The following CDIN1 variants were observed in gnomAD, a reference collection of about 807,000 sequenced individuals.
CDIN1 encodes CDAN1 interacting nuclease 1.
CDIN1 carries 33 observed loss-of-function variants against 45.3 expected under a neutral mutation model. That is an observed-to-expected ratio of 0.73 (90% CI 0.55 to 0.97). The LOEUF (loss-of-function observed/expected upper bound fraction) is 0.97, where lower values mean the gene tolerates loss of function less well. Among genes scored for constraint, CDIN1 ranks in the 50% least tolerant of loss-of-function variants. The pLI, the probability that CDIN1 is intolerant of heterozygous loss-of-function variation, is 0.00. For synonymous variants in CDIN1, 118 were observed against 124.4 expected, an observed-to-expected ratio of 0.95 and a Z score of 0.34; for missense variants, 303 against 339.4, an observed-to-expected ratio of 0.89 and a Z score of 0.84.
chr15:36,800,765 CAT>C (rs35496007), intron 10 of CDIN1, among the ~76,000 whole-genome samples: 15,040 of 150,850 alleles, frequency 0.1, 776 homozygotes, highest in Non-Finnish European at 0.12. Flanking sequence ...CCAACAGCCA[CAT>C]GTCTGCACAC....
intron 10 of CDIN1, among the ~76,000 whole-genome samples, chr15:36,805,264 A>C (rs1199738104): frequency 1.3e-5 from 2 of 152,146 alleles, no homozygotes; most frequent in Non-Finnish European, 2.9e-5. Flanking sequence ...CAACTTTAAA[A>C]AGTGTTTCCA....
At chr15:36,583,202 A>G (rs145878686) in intron 1 of CDIN1, among the ~76,000 whole-genome samples, 58 of 152,172 alleles carry the variant, frequency 3.8e-4, no homozygotes, top group African/African-American at 1.3e-3. Context: ...GTCCTAATAT[A>G]TGAAAGAAAA....
intron 4 of CDIN1, among the ~76,000 whole-genome samples, chr15:36,656,163 C>T (rs1231873373): frequency 1.3e-5 from 2 of 152,086 alleles, no homozygotes; most frequent in African/African-American, 2.4e-5. Flanking sequence ...AACCAAGGTG[C>T]CATTTTTTCC....
chr15:36,722,034 G>C (rs1448456746), intron 10 of CDIN1, among the ~76,000 whole-genome samples: 1 of 151,924 alleles, frequency 6.6e-6, no homozygotes, highest in Non-Finnish European at 1.5e-5. Flanking sequence ...TTGATGTCTA[G>C]TGTTTAAAAA....
intron 5 of CDIN1, among the ~76,000 whole-genome samples, chr15:36,667,933 A>G (rs1285165322): frequency 4.6e-5 from 7 of 152,086 alleles, no homozygotes; most frequent in African/African-American, 1.7e-4. Flanking sequence ...TTCAGGACCT[A>G]TGTGTTGGCC....
intron 1 of CDIN1, among the ~76,000 whole-genome samples, chr15:36,600,332 G>A (rs545894888): frequency 1.3e-5 from 2 of 152,312 alleles, no homozygotes; most frequent in South Asian, 2.1e-4. Context: ...TTTGGAAATG[G>A]CCAATATGCA....
At chr15:36,711,957 T>C (rs1019193632) in intron 10 of CDIN1, among the ~76,000 whole-genome samples, 1 of 152,156 alleles carries the variant, frequency 6.6e-6, no homozygotes, top group Non-Finnish European at 1.5e-5. Context: ...CATTTGTGAA[T>C]GTATGGGATC....
intron 1 of CDIN1, among the ~76,000 whole-genome samples, chr15:36,593,167 G>A (rs2037661989): frequency 6.6e-6 from 1 of 152,210 alleles, no homozygotes; most frequent in South Asian, 2.1e-4. Context: ...AATCATGGTT[G>A]CTTGTTGCAG....
intron 3 of CDIN1, among the ~76,000 whole-genome samples, chr15:36,646,332 A>G (rs1325404530): frequency 6.6e-6 from 1 of 152,180 alleles, no homozygotes; most frequent in Non-Finnish European, 1.5e-5. Context: ...TTTTAAAAAA[A>G]ATTATTCACT....
chr15:36,618,458 C>G, intron 1 of CDIN1: 1 of 942,746 alleles, frequency 1.1e-6, no homozygotes, highest in Non-Finnish European at 1.8e-6. Flanking sequence ...GACAAGATGT[C>G]AATCTCAAGA....
At chr15:36,791,270 A>G (rs1030770601) in intron 10 of CDIN1, among the ~76,000 whole-genome samples, 2 of 152,228 alleles carry the variant, frequency 1.3e-5, no homozygotes, top group African/African-American at 4.8e-5. Context: ...TTATTTGGCT[A>G]TTTAACAAAT....
chr15:36,584,572 A>G (rs1223820567), intron 1 of CDIN1, among the ~76,000 whole-genome samples: 7 of 152,212 alleles, frequency 4.6e-5, no homozygotes, highest in Non-Finnish European at 8.8e-5. Context: ...ATTTGTATTC[A>G]TTCATTTATT....
At chr15:36,740,526 T>C (rs2044197470) in intron 10 of CDIN1, among the ~76,000 whole-genome samples, 2 of 152,184 alleles carry the variant, frequency 1.3e-5, no homozygotes, top group South Asian at 4.1e-4. Flanking sequence ...GCTCATCTCA[T>C]GTGGCTATGG....
intron 5 of CDIN1, among the ~76,000 whole-genome samples, chr15:36,682,806 G>A (rs1427398230): frequency 6.7e-6 from 1 of 148,718 alleles, no homozygotes; most frequent in Non-Finnish European, 1.5e-5. Context: ...AAAGAATGAT[G>A]TTTGACCAAA....
At chr15:36,594,275 AT>A (rs1295137385) in intron 1 of CDIN1, among the ~76,000 whole-genome samples, 3 of 152,216 alleles carry the variant, frequency 2.0e-5, no homozygotes, top group Non-Finnish European at 4.4e-5. Flanking sequence ...ATTAAAAAAA[AT>A]ACCATTCAAA....
Position 36,763,473 on chromosome 15 carries a change from G to A in CDIN1, c.717-44851G>A, listed in dbSNP as rs531578398. 2.6e-5 allele frequency among the ~76,000 whole-genome samples: 4 copies of A among 152,234 alleles called. No homozygotes were observed. The East Asian group carries it at 7.7e-4, about 29-fold the overall frequency. On this transcript the variant is annotated intron_variant, in intron 10 of 10. Transcript: ENST00000566621. ...GCTGTGCTTTGCTTGCACCTCATGGGAGTTCAGGGGCTCCCCAGACTGGAA... is the reference window on the plus strand; with the variant it reads ...GCTGTGCTTTGCTTGCACCTCATGGAAGTTCAGGGGCTCCCCAGACTGGAA...
chr15:36,612,264 G>T (rs182783144), intron 1 of CDIN1, among the ~76,000 whole-genome samples: 2 of 152,090 alleles, frequency 1.3e-5, no homozygotes, highest in Non-Finnish European at 2.9e-5. Flanking sequence ...TCCTTTCTCA[G>T]TCTTGCTGTC....
At chr15:36,729,774 C>T (rs938334499) in intron 10 of CDIN1, among the ~76,000 whole-genome samples, 13 of 152,110 alleles carry the variant, frequency 8.5e-5, no homozygotes, top group African/African-American at 2.2e-4. Context: ...GGCAATCTGC[C>T]GCAGGAGGTT....
At chr15:36,673,748 G>T in intron 5 of CDIN1, among the ~76,000 whole-genome samples, 1 of 151,982 alleles carries the variant, frequency 6.6e-6, no homozygotes, top group East Asian at 1.9e-4. Context: ...GGCAGGGTGG[G>T]TGATTATGAA....
Sources: gnomAD v4.1 joint callset for allele counts (sites outside exome capture counted in the v4.1 genomes callset) on GRCh38, gnomAD v4.1.1 for gene constraint, MANE v1.5 for transcripts, NCBI Gene and HGNC (gene_info 2026-07-23, HGNC 2026-07-21) for gene names.